The following LARP1B variants were observed in gnomAD, a reference collection of about 807,000 sequenced individuals.
LARP1B encodes the protein la-related protein 1B.
A neutral mutation model predicts 114.2 loss-of-function variants in LARP1B; 76 were observed. The ratio of observed to expected loss-of-function variants is 0.67; its 90% confidence interval spans 0.55 to 0.81. The LOEUF (loss-of-function observed/expected upper bound fraction) is 0.81. Among genes scored for constraint, LARP1B ranks in the 30% least tolerant of loss-of-function variants. The pLI, the probability that LARP1B is intolerant of heterozygous loss-of-function variation, is 0.00. For missense variants in LARP1B, 1,014 were observed against 1,075.8 expected, an observed-to-expected ratio of 0.94 and a Z score of 0.80; for synonymous variants, 345 against 348.0, an observed-to-expected ratio of 0.99 and a Z score of 0.10.
intron 8 of LARP1B, among the ~76,000 whole-genome samples, chr4:128,100,917 A>C (rs538628892): frequency 1.9e-3 from 292 of 150,328 alleles, no homozygotes; most frequent in African/African-American, 6.6e-3. Flanking sequence ...TCCTGGGTTC[A>C]AGCGAGTCTC....
At chr4:128,061,837 G>C (rs1306958156) in intron 1 of LARP1B, 54 of 984,804 alleles carry the variant, frequency 5.5e-5, no homozygotes, top group Non-Finnish European at 6.3e-5. Context: ...AAGAGGCGGC[G>C]AGGGAGGAGA....
chr4:128,070,597 G>T (rs554945808), intron 1 of LARP1B, among the ~76,000 whole-genome samples: 2 of 152,226 alleles, frequency 1.3e-5, no homozygotes, highest in East Asian at 1.9e-4. Context: ...GGAGGCGGAG[G>T]TTGCACTGAG....
At chr4:128,092,260 A>G (rs537222132) in intron 7 of LARP1B, among the ~76,000 whole-genome samples, 1 of 152,192 alleles carries the variant, frequency 6.6e-6, no homozygotes, top group Non-Finnish European at 1.5e-5. Context: ...TTAGCAATTG[A>G]CTTCTGAATT....
Position 128,211,915 on chromosome 4 carries a change from A to G in LARP1B, c.*1862A>G. ...CATATTTTTATTATAAAAGTAATACATGTACATTGGGAAATTTAGAAAAGC... is the reference window on the plus strand; with the variant it reads ...CATATTTTTATTATAAAAGTAATACGTGTACATTGGGAAATTTAGAAAAGC... On this transcript the variant is annotated 3_prime_UTR_variant, in exon 20 of 20. Coordinates refer to ENST00000326639, the MANE Select transcript of LARP1B (RefSeq NM_018078.4). 1 of 294,070 alleles carries G rather than the reference A, an allele frequency of 3.4e-6. No individual in the cohort carries two copies. The highest frequency in any genetic ancestry group is 5.0e-6 in the Non-Finnish European group (1 of 198,048). The allele number at this position is 294,070 out of a possible 1,614,324, so 18.2% of individuals were successfully genotyped here.
intron 5 of LARP1B, among the ~76,000 whole-genome samples, chr4:128,084,046 T>C (rs1772174042): frequency 6.6e-6 from 1 of 151,834 alleles, no homozygotes; most frequent in Admixed American, 6.6e-5. Context: ...GCAGAGACGC[T>C]CCTCACTTCC....
At chr4:128,112,306 A>G (rs1784383863) in intron 9 of LARP1B, among the ~76,000 whole-genome samples, 1 of 151,910 alleles carries the variant, frequency 6.6e-6, no homozygotes, top group South Asian at 2.1e-4. Context: ...TCCAAATGTT[A>G]TATGCTCAGT....
rs1330687024 is a variant in LARP1B at position 128,100,695 on chromosome 4, A to T, written c.813+2365A>T. Among the ~76,000 whole-genome samples, 4 of 152,192 alleles carry T rather than the reference A, an allele frequency of 2.6e-5. No individual in the cohort carries two copies. In the East Asian group the frequency reaches 7.7e-4, roughly 29 times the overall value. On this transcript the variant is annotated intron_variant, in intron 8 of 19. Transcript: ENST00000326639. ...TCAGATTTTTTATTCATTATTATTG[A>T]AGTGTTTTTTAAAAGATAATTGTAT...
At chr4:128,109,659 A>T (rs1783310732) in intron 9 of LARP1B, among the ~76,000 whole-genome samples, 1 of 151,822 alleles carries the variant, frequency 6.6e-6, no homozygotes, top group African/African-American at 2.4e-5. Flanking sequence ...TTCTTTTTTT[A>T]AATTTTAATA....
chr4:128,162,308 T>C lies in LARP1B; in HGVS notation c.1639T>C (p.Ser547Pro). 1 of 1,612,634 alleles carries C rather than the reference T, an allele frequency of 6.2e-7. No individual in the cohort carries two copies. The highest frequency in any genetic ancestry group is 8.5e-7 in the Non-Finnish European group (1 of 1,179,098). Residue 547 changes from serine to proline, a missense_variant, in exon 12 of 20, where the codon TCC becomes CCC. By Grantham distance (74) the Ser-to-Pro change is moderately conservative. Transcript: ENST00000326639. ...NQEVPVAPSQSRQGGVQGVLH... is the reference protein window; with the variant it reads ...NQEVPVAPSQPRQGGVQGVLH... ...AGAAGTTCCTGTAGCACCTTCACAG[T>C]CCAGGCAAGGTATGTAAATCTGCTT...
At chr4:128,192,436 C>T (rs1371229408) in intron 15 of LARP1B, among the ~76,000 whole-genome samples, 3 of 152,274 alleles carry the variant, frequency 2.0e-5, no homozygotes, top group Admixed American at 6.5e-5. Context: ...ATTTAATACA[C>T]CTAACCTACT....
intron 11 of LARP1B, among the ~76,000 whole-genome samples, chr4:128,129,681 A>G (rs926535188): frequency 6.6e-6 from 1 of 152,222 alleles, no homozygotes; most frequent in African/African-American, 2.4e-5. Flanking sequence ...AGAATAGACA[A>G]CTAAATCAAT....
At chr4:128,107,424 TA>T (rs1782491038) in intron 9 of LARP1B, 111 bp downstream of exon 9, 43 of 1,521,892 alleles carry the variant, frequency 2.8e-5, no homozygotes, top group Non-Finnish European at 3.6e-5. Flanking sequence ...AAATTAAAGC[TA>T]ACTGAAAGAC....
intron 4 of LARP1B, among the ~76,000 whole-genome samples, chr4:128,080,552 C>A (rs745423981): frequency 2.0e-4 from 31 of 152,168 alleles, no homozygotes; most frequent in Non-Finnish European, 1.3e-4. Flanking sequence ...TAGTTGCACA[C>A]TAATATTTAT....
At chr4:128,073,571 C>CTTTTT (rs1491453447) in intron 1 of LARP1B, among the ~76,000 whole-genome samples, 1 of 49,138 alleles carries the variant, frequency 2.0e-5, no homozygotes, top group Non-Finnish European at 4.2e-5. Flanking sequence ...ATATTGTTGT[C>CTTTTT]GTTTTTTTTT....
intron 12 of LARP1B, among the ~76,000 whole-genome samples, chr4:128,164,386 C>T (rs1386701602): frequency 6.6e-6 from 1 of 151,974 alleles, no homozygotes; most frequent in Non-Finnish European, 1.5e-5. Flanking sequence ...AATGTATATT[C>T]CTTTGCACAT....
At chr4:128,129,348 CAAA>C (rs71587364) in intron 11 of LARP1B, among the ~76,000 whole-genome samples, 12 of 110,028 alleles carry the variant, frequency 1.1e-4, no homozygotes, top group Admixed American at 7.2e-4. Context: ...GACTCCGTCT[CAAA>C]AAAAAAAAAA....
intron 6 of LARP1B, 64 bp downstream of exon 6, chr4:128,091,208 CTAT>C (rs1775802038): frequency 1.3e-6 from 2 of 1,574,550 alleles, no homozygotes; most frequent in Non-Finnish European, 1.7e-6. Context: ...CAACTATCCT[CTAT>C]TATGTTTTAA....
At chr4:128,105,401 G>GT (rs1465532696) in intron 8 of LARP1B, among the ~76,000 whole-genome samples, 3 of 152,152 alleles carry the variant, frequency 2.0e-5, no homozygotes, top group Non-Finnish European at 4.4e-5. Flanking sequence ...TGGGCATACT[G>GT]TTTGCTACTG....
At chr4:128,151,084 A>T (rs1319842108) in intron 11 of LARP1B, among the ~76,000 whole-genome samples, 2 of 152,232 alleles carry the variant, frequency 1.3e-5, no homozygotes, top group African/African-American at 4.8e-5. Context: ...TTACATACAT[A>T]ATATGAGGAA....
Sources: gnomAD v4.1 joint callset for allele counts (sites outside exome capture counted in the v4.1 genomes callset) on GRCh38, gnomAD v4.1.1 for gene constraint, MANE v1.5 for transcripts, NCBI Gene and HGNC (gene_info 2026-07-23, HGNC 2026-07-21) for gene names.